The following MCF2L variants were observed in gnomAD, a reference collection of about 807,000 sequenced individuals.
MCF2L encodes guanine nucleotide exchange factor DBS.
In MCF2L, 97 loss-of-function variants were observed where a neutral mutation model predicts 153.4. The observed-to-expected ratio is 0.63, with a 90% CI of 0.54 to 0.75. MCF2L has a LOEUF of 0.75. MCF2L is among the 30% of genes least tolerant of loss of function. The pLI is 0.00. For missense variants in MCF2L, 1,347 were observed against 1,495.2 expected (o/e 0.90, Z 1.64); for synonymous variants, 659 against 632.2 (o/e 1.04, Z -0.64).
intron 1 of MCF2L, among the ~76,000 whole-genome samples, chr13:112,995,803 T>C (rs1442495107): frequency 1.3e-5 from 2 of 151,988 alleles, no homozygotes; most frequent in Non-Finnish European, 2.9e-5. Flanking sequence ...ATGAGAAGGG[T>C]GGGATCTGGC....
chr13:113,057,392 G>A (rs548921592), intron 4 of MCF2L, among the ~76,000 whole-genome samples: 13 of 149,084 alleles, frequency 8.7e-5, no homozygotes, highest in African/African-American at 2.7e-4. Flanking sequence ...TGAGTGTTTG[G>A]GTGCTGAGTG....
intron 1 of MCF2L, among the ~76,000 whole-genome samples, chr13:112,997,284 G>A (rs1356948158): frequency 1.3e-5 from 2 of 152,230 alleles, no homozygotes; most frequent in South Asian, 2.1e-4. Context: ...TGCCATCTGC[G>A]CTTCCAGGTT....
chr13:112,925,250 G>A (rs2081390611), intron 2 of MCF2L, among the ~76,000 whole-genome samples: 1 of 152,222 alleles, frequency 6.6e-6, no homozygotes. Context: ...TATTCCAAGT[G>A]GTTGGTGCAG....
At position 113,097,201 on chromosome 13, in the gene MCF2L, C is replaced by A. The variant is rs978678718; in HGVS notation, c.*342C>A. 23 of 235,176 alleles carry A rather than the reference C, an allele frequency of 9.8e-5. No individual in the cohort carries two copies. Among genetic ancestry groups the A allele is most frequent in the African/African-American group, 5.2e-4 (23 of 44,076 alleles). 14.6% of individuals were successfully genotyped at this position (235,176 alleles called of 1,614,324 possible). A position where few individuals can be genotyped will look rare whatever the true frequency, so the allele number is the denominator to read the frequency against. On this transcript the variant is annotated 3_prime_UTR_variant, in exon 30 of 30. Coordinates refer to ENST00000535094, the MANE Select transcript of MCF2L (RefSeq NM_001112732.3). Reference sequence around the variant, plus strand: ...CGCGCGGACCGTGGTGGAGCTGCTTCCGGAGAAGTGGAGGATCCTCTGGCC... The same window carrying A: ...CGCGCGGACCGTGGTGGAGCTGCTTACGGAGAAGTGGAGGATCCTCTGGCC...
intron 5 of MCF2L, among the ~76,000 whole-genome samples, chr13:113,063,148 G>A (rs561795226): frequency 2.4e-4 from 36 of 152,352 alleles, no homozygotes; most frequent in African/African-American, 5.3e-4. Context: ...GCTGCTCACC[G>A]TGGCATGATG....
chr13:112,929,465 C>A (rs1344154870), intron 2 of MCF2L, among the ~76,000 whole-genome samples: 1 of 152,206 alleles, frequency 6.6e-6, no homozygotes, highest in African/African-American at 2.4e-5. Context: ...GGGAGCCTGC[C>A]CTTTCCGCCT....
At chr13:112,998,377 A>G (rs1272177537) in intron 1 of MCF2L, among the ~76,000 whole-genome samples, 3 of 152,140 alleles carry the variant, frequency 2.0e-5, no homozygotes, top group Non-Finnish European at 4.4e-5. Context: ...GGAGGCCGTG[A>G]GCCACAGGCC....
In MCF2L at chr13:113,001,862, A is replaced by G. The variant is rs546184910; in HGVS notation, c.80-12901A>G. ...TGCGCCATCCTTTGTGTGCCCGGGA[A>G]GGGCGTTCCGGGAGCCGGGTCGGGG... On this transcript the variant is annotated intron_variant, in intron 1 of 29. Transcript: ENST00000535094. The G allele has an allele frequency of 6.4e-4, 991 of 1,551,116 alleles. 4 individuals are homozygous for G. The Middle Eastern group carries it at 9.8e-3, about 15-fold the overall frequency.
chr13:113,019,894 C>T (rs1381421732), intron 2 of MCF2L, among the ~76,000 whole-genome samples: 1 of 152,242 alleles, frequency 6.6e-6, no homozygotes, highest in African/African-American at 2.4e-5. Context: ...TGGGCACCTT[C>T]ATCTTGGACT....
Position 113,088,421 on chromosome 13 carries a change from A to G in MCF2L, c.2767+16A>G, listed in dbSNP as rs763086327. The stretch of plus-strand genomic sequence containing the variant: ...GCTTGTAGAGGTGAGGCTGTCTTCA[A>G]GCGATCGTTTCCCGTAGCTTCCGCT... On this transcript the variant is annotated intron_variant, in intron 24 of 29. Coordinates refer to ENST00000535094, the MANE Select transcript of MCF2L (RefSeq NM_001112732.3). 4.3e-6 allele frequency: 7 copies of G among 1,613,628 alleles called. No individual in the cohort carries two copies. The highest frequency in any genetic ancestry group is 5.9e-6 in the Non-Finnish European group (7 of 1,179,890).
At chr13:112,925,014 C>G (rs1392257729) in intron 2 of MCF2L, among the ~76,000 whole-genome samples, 1 of 152,202 alleles carries the variant, frequency 6.6e-6, no homozygotes, top group Non-Finnish European at 1.5e-5. Flanking sequence ...GTTGGGATAA[C>G]TGGATAGCCT....
At chr13:113,091,577 C>T (rs74115794) in intron 26 of MCF2L, among the ~76,000 whole-genome samples, 18,193 of 152,190 alleles carry the variant, frequency 0.12, 1,208 homozygotes, top group East Asian at 0.23. Context: ...CAGTTTGCCC[C>T]GACACTTCCT....
In MCF2L at chr13:113,053,552, C is replaced by T. The variant is rs779361450; in HGVS notation, c.370-7041C>T. On this transcript the variant is annotated intron_variant, in intron 4 of 29. Coordinates refer to ENST00000535094, the MANE Select transcript of MCF2L (RefSeq NM_001112732.3). The surrounding 1 kb of genome is among the most constrained non-coding windows in gnomAD (Gnocchi z 4.4). Reference sequence around the variant, plus strand: ...GGCCAAGGAGGCGTCCGGATTTCCCCAGGAGAAGGTGCCTCTCCTCTTGGT... The same window carrying T: ...GGCCAAGGAGGCGTCCGGATTTCCCTAGGAGAAGGTGCCTCTCCTCTTGGT... Among the ~76,000 whole-genome samples the T allele has an allele frequency of 2.6e-5, 4 of 152,128 alleles. No homozygotes were observed. The highest frequency in any genetic ancestry group is 7.2e-5 in the African/African-American group (3 of 41,412).
Position 113,097,250 on chromosome 13 carries a change from C to G in MCF2L, c.*391C>G. On this transcript the variant is annotated 3_prime_UTR_variant, in exon 30 of 30. Coordinates refer to ENST00000535094, the MANE Select transcript of MCF2L (RefSeq NM_001112732.3). ...CCAACGGCCTGAGGAGAGCGGGGCACGGGGTCTCTTTAGCTTTTACAAGTT... is the reference window on the plus strand; with the variant it reads ...CCAACGGCCTGAGGAGAGCGGGGCAGGGGGTCTCTTTAGCTTTTACAAGTT... 5.5e-6 allele frequency: 1 copy of G among 182,456 alleles called. No individual in the cohort carries two copies. Among genetic ancestry groups the G allele is most frequent in the Non-Finnish European group, 1.1e-5 (1 of 87,930 alleles). 11.3% of individuals were successfully genotyped at this position (182,456 alleles called of 1,614,324 possible).
intron 2 of MCF2L, among the ~76,000 whole-genome samples, chr13:112,959,240 C>T (rs918125702): frequency 6.6e-6 from 1 of 152,062 alleles, no homozygotes; most frequent in African/African-American, 2.4e-5. Flanking sequence ...ACCCTCATAT[C>T]GTTCTCCCTC....
intron 1 of MCF2L, chr13:113,001,136 C>T (rs1355709688): frequency 6.6e-6 from 1 of 152,250 alleles, no homozygotes; most frequent in East Asian, 1.9e-4. Context: ...CCCTCCTGGA[C>T]TGCCAGTTTT....
In MCF2L at chr13:113,053,203, C is replaced by T. The variant is rs975617290; in HGVS notation, c.370-7390C>T. Among the ~76,000 whole-genome samples, 4 of 152,204 alleles carry T rather than the reference C, an allele frequency of 2.6e-5. No individual in the cohort carries two copies. Among genetic ancestry groups the T allele is most frequent in the Non-Finnish European group, 5.9e-5 (4 of 68,040 alleles). ...ATGCCCACACATGGGGCTTTCTCCA[C>T]GTGCCCCGTCATGTCCTTCCTGTAT... On this transcript the variant is annotated intron_variant, in intron 4 of 29. Transcript: ENST00000535094. The surrounding 1 kb of genome is among the most constrained non-coding windows in gnomAD (Gnocchi z 4.4).
rs1449700225 is a variant in MCF2L at position 113,012,146 on chromosome 13, G to A, written c.80-2617G>A. On this transcript the variant is annotated intron_variant, in intron 1 of 29. Transcript: ENST00000535094. ...TGGACGGTGGACAGGCAGTGTGGACGGTGGACACTGTGATGCGGACGGTGG... is the reference window on the plus strand; with the variant it reads ...TGGACGGTGGACAGGCAGTGTGGACAGTGGACACTGTGATGCGGACGGTGG... Among the ~76,000 whole-genome samples the A allele has an allele frequency of 3.9e-5, 4 of 102,162 alleles. 1 individual carries two copies. The highest frequency in any genetic ancestry group is 1.0e-4 in the African/African-American group (3 of 29,098). The allele number at this position is 102,162 out of a possible 152,430, so 67.0% of individuals were successfully genotyped here.
rs376196525 is a variant in MCF2L at position 113,090,864 on chromosome 13, C to T, written c.2953+1136C>T. 23 of 1,154,522 alleles carry T rather than the reference C, an allele frequency of 2.0e-5. No individual in the cohort carries two copies. In the African/African-American group the frequency reaches 2.8e-4, roughly 14 times the overall value. 71.5% of individuals were successfully genotyped at this position (1,154,522 alleles called of 1,614,324 possible). ...CTCTGCTAGCGCAGAACTAAGAAAACGTCCCTAGAGACGGGCCCCGAAAGG... is the reference window on the plus strand; with the variant it reads ...CTCTGCTAGCGCAGAACTAAGAAAATGTCCCTAGAGACGGGCCCCGAAAGG... On this transcript the variant is annotated intron_variant, in intron 26 of 29. Transcript: ENST00000535094.
Sources: allele counts gnomAD v4.1 joint callset (sites outside exome capture counted in the v4.1 genomes callset), GRCh38; gene constraint gnomAD v4.1.1; non-coding constraint Gnocchi (gnomAD v3.1); transcripts MANE v1.5; gene names NCBI Gene and HGNC (gene_info 2026-07-23, HGNC 2026-07-21).